The following ESR1 variants were observed in gnomAD, a reference collection of about 807,000 sequenced individuals.
ESR1 encodes the protein estrogen receptor 1, also known as estrogen receptor.
In ESR1, 12 loss-of-function variants were observed where a neutral mutation model predicts 52.7. The ratio of observed to expected loss-of-function variants is 0.23; its 90% CI spans 0.15 to 0.37. The LOEUF (loss-of-function observed/expected upper bound fraction) is 0.37. Among genes scored for constraint, ESR1 ranks in the 10% least tolerant of loss-of-function variants. The pLI is 1.00. For missense variants in ESR1, 584 were observed against 779.7 expected (o/e 0.75, Z 2.99); for synonymous variants, 305 against 316.8 (o/e 0.96, Z 0.39).
At chr6:152,051,946 C>G (rs1026770635) in intron 5 of ESR1, among the ~76,000 whole-genome samples, 2 of 152,118 alleles carry the variant, frequency 1.3e-5, no homozygotes, top group African/African-American at 2.4e-5. Flanking sequence ...GTGGTCGGGG[C>G]TTGTGTTAGT....
At chr6:151,997,003 T>A (rs2128731087) in intron 4 of ESR1, among the ~76,000 whole-genome samples, 1 of 151,674 alleles carries the variant, frequency 6.6e-6, no homozygotes, top group Middle Eastern at 3.4e-3. Flanking sequence ...TCCCAGCTAG[T>A]AAAATGGGGC....
At chr6:151,747,857 G>A (rs1288842346) in intron 2 of ESR1, among the ~76,000 whole-genome samples, 2 of 152,130 alleles carry the variant, frequency 1.3e-5, no homozygotes, top group African/African-American at 2.4e-5. Context: ...GTATGGATAT[G>A]TACTACATTT....
intron 6 of ESR1, among the ~76,000 whole-genome samples, chr6:152,091,200 T>C (rs1002854020): frequency 6.6e-6 from 1 of 152,220 alleles, no homozygotes; most frequent in Non-Finnish European, 1.5e-5. Flanking sequence ...TGAATTTCTG[T>C]TGTTTCTCCC....
intron 1 of ESR1, among the ~76,000 whole-genome samples, chr6:151,679,772 G>A (rs1188912567): frequency 1.3e-5 from 2 of 152,170 alleles, no homozygotes; most frequent in Admixed American, 6.5e-5. Context: ...TTTTGTGACT[G>A]CAGCTGTGCC....
intron 2 of ESR1, among the ~76,000 whole-genome samples, chr6:151,732,989 C>T (rs1272367137): frequency 6.6e-6 from 1 of 152,202 alleles, no homozygotes; most frequent in East Asian, 1.9e-4. Flanking sequence ...CTTTGTTTCT[C>T]TTGTTCCTTT....
intron 6 of ESR1, chr6:152,118,137 A>T (rs924026293): frequency 6.6e-6 from 1 of 152,220 alleles, no homozygotes; most frequent in Non-Finnish European, 1.5e-5. Context: ...AGAAGCTAAA[A>T]GCAGAGGAAT....
At chr6:152,114,667 G>A (rs1467624573) in intron 6 of ESR1, among the ~76,000 whole-genome samples, 1 of 151,714 alleles carries the variant, frequency 6.6e-6, no homozygotes, top group African/African-American at 2.4e-5. Flanking sequence ...CGAGGCGGGC[G>A]GATCACGAGG....
chr6:151,804,802 TG>T (rs1303685200), upstream of ESR1: 2 of 152,182 alleles, frequency 1.3e-5, no homozygotes, highest in Non-Finnish European at 2.9e-5. Context: ...AAGCCTCCAT[TG>T]GGTGTCATGT....
At chr6:152,043,632 G>C (rs2045984127) in intron 5 of ESR1, among the ~76,000 whole-genome samples, 1 of 152,222 alleles carries the variant, frequency 6.6e-6, no homozygotes, top group Non-Finnish European at 1.5e-5. Context: ...GCCTTAGGCA[G>C]TGCAGGGTTA....
At chr6:152,092,320 A>C (rs1274598483) in intron 6 of ESR1, among the ~76,000 whole-genome samples, 1 of 152,252 alleles carries the variant, frequency 6.6e-6, no homozygotes. Flanking sequence ...ATTCAACTGC[A>C]TGGAAACCAA....
chr6:151,857,290 A>C (rs961353866), intron 2 of ESR1, among the ~76,000 whole-genome samples: 8 of 152,166 alleles, frequency 5.3e-5, no homozygotes, highest in African/African-American at 1.9e-4. Flanking sequence ...AGGTATTATA[A>C]ATAATCTAGA....
At chr6:152,068,260 G>A (rs1228269551) in intron 6 of ESR1, among the ~76,000 whole-genome samples, 3 of 152,230 alleles carry the variant, frequency 2.0e-5, no homozygotes, top group Non-Finnish European at 4.4e-5. Context: ...CATCATTTAT[G>A]CATTTTGTTT....
intron 4 of ESR1, among the ~76,000 whole-genome samples, chr6:151,946,811 G>A (rs767217730): frequency 2.0e-5 from 3 of 152,094 alleles, no homozygotes; most frequent in Non-Finnish European, 2.9e-5. Context: ...AAAAGTGAGG[G>A]AAGAAAAAAG....
intron 1 of ESR1, among the ~76,000 whole-genome samples, chr6:151,827,631 G>A (rs1400625353): frequency 6.6e-6 from 1 of 152,144 alleles, no homozygotes; most frequent in African/African-American, 2.4e-5. Flanking sequence ...TCCAAAGGAT[G>A]ATGACTATTT....
intron 2 of ESR1, among the ~76,000 whole-genome samples, chr6:151,753,849 A>G (rs1365797431): frequency 6.6e-6 from 1 of 152,158 alleles, no homozygotes; most frequent in African/African-American, 2.4e-5. Context: ...CCTCTTACCT[A>G]TATTTGTACT....
In ESR1 at chr6:152,061,956, T is replaced by C. The variant is rs973458416; in HGVS notation, c.1369+832T>C. Among the ~76,000 whole-genome samples, 2 of 152,140 alleles carry C rather than the reference T, an allele frequency of 1.3e-5. No individual in the cohort carries two copies. The highest frequency in any genetic ancestry group is 6.6e-5 in the Admixed American group (1 of 15,264). ...GGTATCAGCGGTACAGCAGCTCCCCTTAAGCTCCACCTTTCCCCCTGGCTC... is the reference window on the plus strand; with the variant it reads ...GGTATCAGCGGTACAGCAGCTCCCCCTAAGCTCCACCTTTCCCCCTGGCTC... On this transcript the variant is annotated intron_variant, in intron 6 of 7. Coordinates refer to ENST00000206249, the MANE Select transcript of ESR1 (RefSeq NM_000125.4). This position sits in a 1 kb window ranked among gnomAD's most constrained non-coding sequence, Gnocchi z 4.3.
intron 5 of ESR1, among the ~76,000 whole-genome samples, chr6:152,038,199 G>A (rs1290112329): frequency 6.6e-6 from 1 of 152,206 alleles, no homozygotes; most frequent in Non-Finnish European, 1.5e-5. Context: ...CGTCATGGGA[G>A]AAAGATGGAA....
At chr6:151,899,059 G>A (rs1207747689) in intron 3 of ESR1, among the ~76,000 whole-genome samples, 15 of 146,836 alleles carry the variant, frequency 1.0e-4, no homozygotes, top group East Asian at 2.2e-4. Flanking sequence ...CGGACGGGGC[G>A]GCTGGCCGGG....
At chr6:151,815,553 G>A (rs1779486067) in intron 1 of ESR1, among the ~76,000 whole-genome samples, 1 of 152,198 alleles carries the variant, frequency 6.6e-6, no homozygotes, top group Non-Finnish European at 1.5e-5. Context: ...TTTAGGAAGG[G>A]ATCCTTAGAT....
Sources: gnomAD v4.1 joint callset for allele counts (sites outside exome capture counted in the v4.1 genomes callset) on GRCh38, gnomAD v4.1.1 for gene constraint, Gnocchi (gnomAD v3.1) non-coding constraint, MANE v1.5 for transcripts, NCBI Gene and HGNC (gene_info 2026-07-23, HGNC 2026-07-21) for gene names.